Variants in LAMA4 observed in about 807,000 individuals in gnomAD.
LAMA4 encodes the protein laminin subunit alpha-4.
LAMA4 carries 127 observed loss-of-function variants against 207.1 expected under a neutral mutation model. That is an observed-to-expected ratio of 0.61 (90% CI 0.53 to 0.71). LAMA4 has a LOEUF of 0.71. Among genes scored for constraint, LAMA4 ranks in the 30% least tolerant of loss-of-function variants. The pLI is 0.00. For synonymous variants in LAMA4, 761 were observed against 816.0 expected (o/e 0.93, Z 1.15); for missense variants, 2,093 against 2,246.5 (o/e 0.93, Z 1.38).
chr6:112,236,325 AT>A (rs1391025967), intron 2 of LAMA4: 23 of 152,256 alleles, frequency 1.5e-4, no homozygotes, highest in African/African-American at 4.8e-4. Context: ...TGGGCTTATC[AT>A]TTAACATTTC....
intron 3 of LAMA4, 142 bp downstream of exon 3, chr6:112,216,226 C>T (rs1562743437): frequency 2.8e-6 from 2 of 707,438 alleles, no homozygotes; most frequent in African/African-American, 1.7e-5. Flanking sequence ...AGTTGTTTCA[C>T]AGGAAAAGCT....
rs1554329119 is a variant in LAMA4, at chr6:112,130,003, T to C, written c.4006A>G (p.Lys1336Glu). 1 of 1,613,416 alleles carries C rather than the reference T, an allele frequency of 6.2e-7. No homozygotes were observed. Among genetic ancestry groups the C allele is most frequent in the East Asian group, 2.2e-5 (1 of 44,844 alleles). ...TCTATTTTCCCTTTGGTAGGATTCT[T>C]ACTCCCAACTCTGCTTTTATCTACT... Reference protein sequence around the residue: ...LIVDKSRVGSKNPTKGKIEQT... With the variant: ...LIVDKSRVGSENPTKGKIEQT... The change falls in exon 30 of 39, where the codon AAG becomes GAG. Residue 1336 changes from lysine to glutamate, a missense_variant. By Grantham distance (56) the Lys-to-Glu change is moderately conservative. Transcript: ENST00000230538.
At position 112,142,134 on chromosome 6, in the gene LAMA4, G is replaced by A; in HGVS notation, c.2652C>T (p.Tyr884=). ...LTETADQFIL[Y]LGSKNAKKEY... ...ATGTGCTTACGTTTTTGCTTCCGAGGTACAGGATAAACTGATCTGCAGTCT... is the reference window on the plus strand; with the variant it reads ...ATGTGCTTACGTTTTTGCTTCCGAGATACAGGATAAACTGATCTGCAGTCT... Residue 884 remains tyrosine (Y), a synonymous_variant, in exon 20 of 39, where the codon TAC becomes TAT. Transcript: ENST00000230538. 1 of 1,613,938 alleles carries A rather than the reference G, an allele frequency of 6.2e-7. No homozygotes were observed. The highest frequency in any genetic ancestry group is 1.1e-5 in the South Asian group (1 of 91,062).
At chr6:112,221,705 G>A (rs772560460) in intron 2 of LAMA4, among the ~76,000 whole-genome samples, 1 of 151,372 alleles carries the variant, frequency 6.6e-6, no homozygotes, top group Non-Finnish European at 1.5e-5. Context: ...TGCTCAGTTA[G>A]GAGCTAAAAC....
intron 8 of LAMA4, 41 bp from the exon 9 acceptor site, chr6:112,185,388 C>T: frequency 9.1e-7 from 1 of 1,099,206 alleles, no homozygotes; most frequent in Admixed American, 1.7e-5. Context: ...ATGGGCACAC[C>T]AGGTTTTAAA....
At chr6:112,178,429 T>G in intron 9 of LAMA4, 197 bp from the exon 10 acceptor site, 1 of 574,930 alleles carries the variant, frequency 1.7e-6, no homozygotes, top group East Asian at 3.0e-5. Context: ...TTTAAAAAAT[T>G]TTTTAATTTT....
intron 2 of LAMA4, among the ~76,000 whole-genome samples, chr6:112,245,445 A>G (rs1786841020): frequency 6.6e-6 from 1 of 152,146 alleles, no homozygotes; most frequent in East Asian, 1.9e-4. Context: ...GCCATGTTGC[A>G]TTTCACTTTG....
At position 112,132,850 on chromosome 6, in the gene LAMA4, G is replaced by A. The variant is rs201620008; in HGVS notation, c.3737C>T (p.Ala1246Val). 1 of 1,612,516 alleles carries A rather than the reference G, an allele frequency of 6.2e-7. No homozygotes were observed. Among genetic ancestry groups the A allele is most frequent in the African/African-American group, 1.3e-5 (1 of 74,994 alleles). The change falls in exon 28 of 39, where the codon GCT becomes GTT. Residue 1246 changes from alanine (A) to valine (V), a missense_variant. Coordinates refer to ENST00000230538, the MANE Select transcript of LAMA4 (RefSeq NM_001105206.3). ...RAYFNGQSFI[A>V]SIQKISFFDG... ...AAAGAAAGATATTTTCTGAATTGAA[G>A]CAATGAAGCTCTGTCCATTGAAATA...
chr6:112,172,262 T>C (rs1781759636), intron 12 of LAMA4: 1 of 259,518 alleles, frequency 3.9e-6, no homozygotes, highest in Non-Finnish European at 7.5e-6. Context: ...AAATTATGCA[T>C]ACCCAGAACC....
At chr6:112,228,330 G>C (rs1264633282) in intron 2 of LAMA4, among the ~76,000 whole-genome samples, 2 of 152,188 alleles carry the variant, frequency 1.3e-5, no homozygotes, top group Non-Finnish European at 2.9e-5. Flanking sequence ...TCCTTTATGT[G>C]AAGGTAAAAT....
chr6:112,148,109 T>C (rs782803338), intron 18 of LAMA4, 48 bp downstream of exon 18: 17 of 1,551,616 alleles, frequency 1.1e-5, no homozygotes, highest in Non-Finnish European at 1.5e-5. Flanking sequence ...TAGAGTTTAA[T>C]GGCCAATTCC....
At position 112,150,202 on chromosome 6, in the gene LAMA4, GACACAC is replaced by G. The variant is rs68144829; in HGVS notation, c.2173+303_2173+308del. Among the ~76,000 whole-genome samples the G allele has an allele frequency of 0.29, 41,160 of 143,348 alleles. 6,174 individuals carry two copies. The highest frequency in any genetic ancestry group is 0.36 in the Admixed American group (5,252 of 14,454). 94.0% of individuals were successfully genotyped at this position (143,348 alleles called of 152,430 possible). A position where few individuals can be genotyped will look rare whatever the true frequency, so the allele number is the denominator to read the frequency against. On this transcript the variant is annotated intron_variant, in intron 17 of 38. Transcript: ENST00000230538. ...TATAAACAGCATGATCCCATTAAAAGACACACACACACACACACACACACACACACA... is the reference window on the plus strand; with the variant it reads ...TATAAACAGCATGATCCCATTAAAAGACACACACACACACACACACACACA...
intron 9 of LAMA4, among the ~76,000 whole-genome samples, chr6:112,182,810 A>C (rs1782446816): frequency 1.3e-5 from 2 of 152,238 alleles, no homozygotes; most frequent in Non-Finnish European, 2.9e-5. Flanking sequence ...CCTTGAGCAC[A>C]GTGGCTCTGG....
chr6:112,149,908 C>T (rs1297629458), intron 17 of LAMA4, among the ~76,000 whole-genome samples: 2 of 152,124 alleles, frequency 1.3e-5, no homozygotes, highest in Admixed American at 6.6e-5. Flanking sequence ...TTTCACTGCG[C>T]GAAGGAAGGC....
chr6:112,230,491 A>G (rs1785497341), intron 2 of LAMA4, among the ~76,000 whole-genome samples: 1 of 152,176 alleles, frequency 6.6e-6, no homozygotes, highest in East Asian at 1.9e-4. Flanking sequence ...TGCTCACCTT[A>G]TTACCTTCTA....
At chr6:112,133,117 C>G (rs1779138916) in intron 27 of LAMA4, among the ~76,000 whole-genome samples, 1 of 152,180 alleles carries the variant, frequency 6.6e-6, no homozygotes, top group South Asian at 2.1e-4. Context: ...TGCTAGCACA[C>G]CCTCTCTGGG....
intron 18 of LAMA4, among the ~76,000 whole-genome samples, chr6:112,145,520 T>C (rs1363253487): frequency 6.6e-6 from 1 of 152,190 alleles, no homozygotes; most frequent in African/African-American, 2.4e-5. Context: ...CTCAGCTGTG[T>C]GTGGGAGCAG....
At chr6:112,216,245 A>G in intron 3 of LAMA4, 123 bp downstream of exon 3, 1 of 736,342 alleles carries the variant, frequency 1.4e-6, no homozygotes, top group South Asian at 1.5e-5. Flanking sequence ...CTGAAGGGTG[A>G]ACAAAAGCAC....
chr6:112,135,751 T>C, intron 25 of LAMA4: 1 of 193,924 alleles, frequency 5.2e-6, no homozygotes, highest in South Asian at 9.8e-5. Flanking sequence ...TTAAATTTGG[T>C]GGGGCTCAAA....
Sources: allele counts gnomAD v4.1 joint callset (sites outside exome capture counted in the v4.1 genomes callset), GRCh38; gene constraint gnomAD v4.1.1; transcripts MANE v1.5; gene names NCBI Gene and HGNC (gene_info 2026-07-23, HGNC 2026-07-21).